The following CSMD1 variants were observed in gnomAD, a reference collection of about 807,000 sequenced individuals.
The protein encoded by CSMD1 is CUB and sushi domain-containing protein 1.
In CSMD1, 213 loss-of-function variants were observed where a neutral mutation model predicts 417.5. The ratio of observed to expected loss-of-function variants is 0.51; its 90% CI spans 0.46 to 0.57. The LOEUF (loss-of-function observed/expected upper bound fraction) is 0.57, where lower values mean the gene tolerates loss of function less well. Among genes scored for constraint, CSMD1 ranks in the 20% least tolerant of loss-of-function variants. The probability of loss-of-function intolerance (pLI) is 0.00; values close to 1 mark genes in which losing one functional copy is unlikely to be tolerated. For missense variants in CSMD1, 6,923 were observed against 4,529.7 expected, an observed-to-expected ratio of 1.53 and a Z score of -15.17; for synonymous variants, 2,862 against 1,736.8, an observed-to-expected ratio of 1.65 and a Z score of -16.11.
rs543399392 is a variant in CSMD1, at chr8:3,658,505, G to C, written c.1010-41708C>G. Among the ~76,000 whole-genome samples, 48 of 146,188 alleles carry C rather than the reference G, an allele frequency of 3.3e-4. 1 individual carries two copies. Among genetic ancestry groups the C allele is most frequent in the African/African-American group, 9.9e-4 (40 of 40,258 alleles). On this transcript the variant is annotated intron_variant, in intron 7 of 69. Transcript: ENST00000635120. ...ATTTAATTTAAAGCTTTCCTTGGTC[G>C]GGCTTGGTGTCTCATGCCTGTAATC...
At chr8:3,363,841 A>G (rs1464920693) in intron 20 of CSMD1, among the ~76,000 whole-genome samples, 1 of 152,210 alleles carries the variant, frequency 6.6e-6, no homozygotes, top group African/African-American at 2.4e-5. Flanking sequence ...AGTGTGGAGT[A>G]TCCAGTGCAC....
rs1814590990 is a variant in CSMD1 at position 3,087,169 on chromosome 8, G to T, written c.7402C>A (p.His2468Asn). ...FCKPGYRMVG[H>N]SNATCRRNPL... ...TTTCGTCTACAGGTTGCATTGCTGT[G>T]GCCGACCATTCGGTATCCAGGCTTG... The change falls in exon 49 of 70, where the codon CAC becomes AAC. Residue 2468 changes from histidine to asparagine, a missense_variant. His to Asn is a moderately conservative substitution (Grantham distance 68). Transcript: ENST00000635120. 6 of 1,613,898 alleles carry T rather than the reference G, an allele frequency of 3.7e-6. No individual in the cohort carries two copies. The highest frequency in any genetic ancestry group is 5.1e-6 in the Non-Finnish European group (6 of 1,179,892).
chr8:4,605,027 T>C (rs1800792420), intron 2 of CSMD1, among the ~76,000 whole-genome samples: 2 of 152,162 alleles, frequency 1.3e-5, no homozygotes, highest in African/African-American at 4.8e-5. Context: ...ACAACCCCCA[T>C]GATATCTGTG....
rs563084019 is a variant in CSMD1, at chr8:4,642,286, A to G, written c.86-4728T>C. Among the ~76,000 whole-genome samples the G allele has an allele frequency of 3.9e-5, 6 of 152,232 alleles. No homozygotes were observed. In the East Asian group the frequency reaches 7.7e-4, roughly 20 times the overall value. On this transcript the variant is annotated intron_variant, in intron 1 of 69. Coordinates refer to ENST00000635120, the MANE Select transcript of CSMD1 (RefSeq NM_033225.6). ...GCAGGGCTCACTGTGTCCTATGACA[A>G]TTTTCTACTTTGAAAGCCTGTCTCA...
At chr8:3,984,104 G>GAGCACATTGCAGATCTGATGGGGCTGT (rs1167648339) in intron 5 of CSMD1, among the ~76,000 whole-genome samples, 32,532 of 140,342 alleles carry the variant, frequency 0.23, 4,778 homozygotes, top group East Asian at 0.34. Flanking sequence ...GCTGTCAATA[G>GAGCACATTGCAGATCTGATGGGGCTGT]CAACTCTAGA....
intron 2 of CSMD1, among the ~76,000 whole-genome samples, chr8:4,574,763 A>G (rs1799058593): frequency 6.6e-6 from 1 of 152,232 alleles, no homozygotes; most frequent in Admixed American, 6.5e-5. Flanking sequence ...CTGATGAAGC[A>G]CAATGAAAGC....
At chr8:3,827,088 A>T (rs918528111) in intron 5 of CSMD1, among the ~76,000 whole-genome samples, 2 of 152,204 alleles carry the variant, frequency 1.3e-5, no homozygotes, top group Admixed American at 6.5e-5. Context: ...GCCTAGAAAC[A>T]ATATCTTCTC....
At position 3,670,367 on chromosome 8, in the gene CSMD1, G is replaced by C. The variant is rs565378324; in HGVS notation, c.1009+38047C>G. Among the ~76,000 whole-genome samples the C allele has an allele frequency of 1.9e-4, 29 of 151,650 alleles. 2 individuals carry two copies. The East Asian group carries it at 5.4e-3, about 28-fold the overall frequency. ...TTTGGGACTCGGGCTGGCTCTCCTT[G>C]CTCCTCAGTTTGCAGATGGCCTATT... On this transcript the variant is annotated intron_variant, in intron 7 of 69. Transcript: ENST00000635120.
At chr8:3,328,781 A>G (rs1269085747) in intron 23 of CSMD1, among the ~76,000 whole-genome samples, 1 of 152,256 alleles carries the variant, frequency 6.6e-6, no homozygotes, top group Non-Finnish European at 1.5e-5. Flanking sequence ...TATAAACAAA[A>G]AATGTGAAAT....
intron 1 of CSMD1, among the ~76,000 whole-genome samples, chr8:4,645,649 T>G (rs995993853): frequency 1.3e-5 from 2 of 151,934 alleles, no homozygotes; most frequent in African/African-American, 4.8e-5. Flanking sequence ...ATGTCGAAGG[T>G]AGGAAGCAGG....
intron 3 of CSMD1, among the ~76,000 whole-genome samples, chr8:4,265,385 G>C (rs1804178785): frequency 2.2e-5 from 1 of 44,618 alleles, no homozygotes; most frequent in African/African-American, 3.8e-5. Context: ...GTTACAATTA[G>C]TAAACAGTTA....
At chr8:3,377,661 A>G (rs1810395187) in intron 18 of CSMD1, among the ~76,000 whole-genome samples, 1 of 152,118 alleles carries the variant, frequency 6.6e-6, no homozygotes. Flanking sequence ...TTCTTACTGT[A>G]CCGCACCTAT....
At chr8:3,273,399 T>C (rs1481857912) in intron 26 of CSMD1, among the ~76,000 whole-genome samples, 1 of 152,126 alleles carries the variant, frequency 6.6e-6, no homozygotes, top group Non-Finnish European at 1.5e-5. Flanking sequence ...TTCTCTTTTT[T>C]GGTTGTGTCT....
intron 3 of CSMD1, among the ~76,000 whole-genome samples, chr8:4,384,722 AC>A: frequency 6.6e-6 from 1 of 152,138 alleles, no homozygotes; most frequent in South Asian, 2.1e-4. Context: ...ACGTGCACAC[AC>A]TCTATGGAGC....
chr8:3,186,521 G>A (rs558160934), intron 36 of CSMD1, among the ~76,000 whole-genome samples: 25 of 152,182 alleles, frequency 1.6e-4, no homozygotes, highest in African/African-American at 4.6e-4. Context: ...TTTATTTGCT[G>A]AGAACCAGAG....
chr8:4,094,102 C>T (rs928718442), intron 3 of CSMD1, among the ~76,000 whole-genome samples: 4 of 152,042 alleles, frequency 2.6e-5, no homozygotes, highest in African/African-American at 4.8e-5. Context: ...TGGAGGAAAA[C>T]GGCTTCCCCA....
chr8:4,906,584 T>TC (rs1554516679), intron 1 of CSMD1, among the ~76,000 whole-genome samples: 2 of 9,014 alleles, frequency 2.2e-4, no homozygotes, highest in Non-Finnish European at 6.2e-4. Flanking sequence ...TGCTTTTTTT[T>TC]CCCCCACTTT....
At chr8:4,533,634 C>G (rs976586390) in intron 2 of CSMD1, among the ~76,000 whole-genome samples, 1 of 152,016 alleles carries the variant, frequency 6.6e-6, no homozygotes, top group African/African-American at 2.4e-5. Flanking sequence ...TGATGAAGAT[C>G]TGGCAGACCC....
At chr8:3,353,224 T>G (rs549841212) in intron 21 of CSMD1, among the ~76,000 whole-genome samples, 2 of 152,206 alleles carry the variant, frequency 1.3e-5, no homozygotes, top group African/African-American at 4.8e-5. Context: ...ACTTTCTGAA[T>G]GGGATGGGTT....
Sources: gnomAD v4.1 joint callset for allele counts (sites outside exome capture counted in the v4.1 genomes callset) on GRCh38, gnomAD v4.1.1 for gene constraint, MANE v1.5 for transcripts, NCBI Gene and HGNC (gene_info 2026-07-23, HGNC 2026-07-21) for gene names.